The following SERPINE2 variants were observed in gnomAD, a reference collection of about 807,000 sequenced individuals.
SERPINE2 encodes the protein glia-derived nexin.
SERPINE2 carries 14 observed loss-of-function variants against 36.3 expected under a neutral mutation model. That is an observed-to-expected ratio of 0.39 (90% CI 0.25 to 0.60). SERPINE2 has a LOEUF of 0.60. Among genes scored for constraint, SERPINE2 ranks in the 20% least tolerant of loss-of-function variants. SERPINE2 has a pLI of 0.57. For synonymous variants in SERPINE2, 192 were observed against 191.8 expected (o/e 1.00, Z -0.01); for missense variants, 418 against 499.6 (o/e 0.84, Z 1.56).
intron 2 of SERPINE2, among the ~76,000 whole-genome samples, chr2:224,000,316 G>A (rs114369894): frequency 1.3e-5 from 2 of 152,148 alleles, no homozygotes; most frequent in East Asian, 3.9e-4. Flanking sequence ...GCTCCCCTGA[G>A]CACTGCATTT....
At chr2:224,009,599 G>A (rs1691553523) in intron 1 of SERPINE2, among the ~76,000 whole-genome samples, 1 of 152,100 alleles carries the variant, frequency 6.6e-6, no homozygotes, top group Non-Finnish European at 1.5e-5. Flanking sequence ...AGAGGCTGAG[G>A]TGTGGGAATC....
At chr2:224,002,798 T>C (rs1691238546) in intron 1 of SERPINE2, among the ~76,000 whole-genome samples, 1 of 151,846 alleles carries the variant, frequency 6.6e-6, no homozygotes, top group Non-Finnish European at 1.5e-5. Context: ...AGCCTAATCA[T>C]TATTTAATTC....
rs553847608 is a variant in SERPINE2, at chr2:224,018,602, AT to A, written c.-22-16681del. Among the ~76,000 whole-genome samples the A allele has an allele frequency of 4.8e-4, 72 of 151,118 alleles. No homozygotes were observed. The South Asian group carries it at 9.3e-3, about 19-fold the overall frequency. ...ACACAGTACTTCTCAAAAAAAAAAA[AT>A]AATAATAAAATAATAAAAGGGGTAG... is the stretch of plus-strand genomic sequence containing the variant. On this transcript the variant is annotated intron_variant, in intron 1 of 8. Transcript: ENST00000409304.
chr2:224,027,036 G>A (rs1305474530), intron 1 of SERPINE2, among the ~76,000 whole-genome samples: 2 of 152,156 alleles, frequency 1.3e-5, no homozygotes, highest in Non-Finnish European at 2.9e-5. Flanking sequence ...AAATGAGGAC[G>A]GTTGTGCCCA....
intron 2 of SERPINE2, among the ~76,000 whole-genome samples, chr2:224,000,032 T>C (rs1691048607): frequency 6.6e-6 from 1 of 152,222 alleles, no homozygotes; most frequent in Non-Finnish European, 1.5e-5. Flanking sequence ...AGGCATTTGG[T>C]GCTGGCAGCC....
chr2:224,006,318 C>T (rs1691423480), intron 1 of SERPINE2, among the ~76,000 whole-genome samples: 1 of 152,136 alleles, frequency 6.6e-6, no homozygotes, highest in Admixed American at 6.6e-5. Context: ...TACTAGTCTC[C>T]AAAAATCTAC....
intron 1 of SERPINE2, among the ~76,000 whole-genome samples, chr2:224,037,839 T>C (rs1160521380): frequency 2.0e-5 from 3 of 152,216 alleles, no homozygotes; most frequent in South Asian, 2.1e-4. Flanking sequence ...TACGATGACA[T>C]TTTCATGACC....
chr2:224,031,808 C>G (rs148385327), intron 1 of SERPINE2, among the ~76,000 whole-genome samples: 1 of 148,084 alleles, frequency 6.8e-6, no homozygotes, highest in Non-Finnish European at 1.5e-5. Flanking sequence ...TTCCTCCTCA[C>G]TGAGGAGGCT....
intron 5 of SERPINE2, among the ~76,000 whole-genome samples, chr2:223,982,991 G>A (rs1690278242): frequency 1.3e-5 from 2 of 152,208 alleles, no homozygotes; most frequent in African/African-American, 2.4e-5. Flanking sequence ...TGAGTCATAT[G>A]TACTAACGGC....
chr2:224,001,978 T>TC, intron 1 of SERPINE2, 56 bp from the exon 2 acceptor site: 3 of 247,268 alleles, frequency 1.2e-5, no homozygotes, highest in Non-Finnish European at 1.1e-5. Context: ...ACTTTACTAC[T>TC]TTTTTTTTTT....
At chr2:224,002,706 T>G (rs1034565492) in intron 1 of SERPINE2, among the ~76,000 whole-genome samples, 1 of 149,816 alleles carries the variant, frequency 6.7e-6, no homozygotes. Flanking sequence ...TCACTGTGTT[T>G]GCCAGGCTGG....
At chr2:223,994,775 A>G (rs1690811742) in intron 3 of SERPINE2, among the ~76,000 whole-genome samples, 2 of 152,226 alleles carry the variant, frequency 1.3e-5, no homozygotes, top group Non-Finnish European at 2.9e-5. Context: ...ACATTTACTA[A>G]GTGCAGAGTC....
intron 1 of SERPINE2, among the ~76,000 whole-genome samples, chr2:224,031,649 C>T (rs1692379278): frequency 1.3e-5 from 2 of 151,960 alleles, no homozygotes; most frequent in Non-Finnish European, 1.5e-5. Context: ...TGTGACTTAG[C>T]ATCAGCCAAT....
intron 1 of SERPINE2, chr2:224,029,954 C>T (rs748000386): frequency 3.1e-5 from 21 of 685,096 alleles, no homozygotes; most frequent in Non-Finnish European, 3.8e-5. Context: ...ACCTCAGCCT[C>T]CCAAACTGCT....
rs1383708225 is a variant in SERPINE2, at chr2:223,980,296, T to C, written c.1072+15A>G. 12 of 1,609,270 alleles carry C rather than the reference T, an allele frequency of 7.5e-6. No individual in the cohort carries two copies. Among genetic ancestry groups the C allele is most frequent in the Non-Finnish European group, 1.0e-5 (12 of 1,175,482 alleles). On this transcript the variant is annotated intron_variant, in intron 7 of 8. Coordinates refer to ENST00000409304, the MANE Select transcript of SERPINE2 (RefSeq NM_001136528.2). ...CCCTGCTAGAGGAAGCCCTGCCACG[T>C]GACCCAGTGCTTACTTGTTGCTGCT...
chr2:224,027,562 T>G (rs770397146), intron 1 of SERPINE2, among the ~76,000 whole-genome samples: 1 of 152,186 alleles, frequency 6.6e-6, no homozygotes, highest in African/African-American at 2.4e-5. Context: ...AGGGACAAGG[T>G]GGGAGTGGTA....
chr2:223,995,721 A>T (rs1690859381), intron 3 of SERPINE2, among the ~76,000 whole-genome samples: 1 of 152,210 alleles, frequency 6.6e-6, no homozygotes, highest in African/African-American at 2.4e-5. Context: ...TTTGTTCAGA[A>T]ATTTATCAAA....
At chr2:224,035,542 T>C (rs1415982563) in intron 1 of SERPINE2, among the ~76,000 whole-genome samples, 1 of 152,112 alleles carries the variant, frequency 6.6e-6, no homozygotes, top group Admixed American at 6.5e-5. Context: ...CTAATTTTTG[T>C]ATTTTTAGTA....
chr2:224,031,252 G>C (rs1692354409), intron 1 of SERPINE2: 1 of 850,604 alleles, frequency 1.2e-6, no homozygotes, highest in Non-Finnish European at 1.3e-6. Flanking sequence ...TGGCATACAG[G>C]CTGTGTGACC....
Sources: allele counts gnomAD v4.1 joint callset (sites outside exome capture counted in the v4.1 genomes callset), GRCh38; gene constraint gnomAD v4.1.1; transcripts MANE v1.5; gene names NCBI Gene and HGNC (gene_info 2026-07-23, HGNC 2026-07-21).